The following LRRC8B variants were observed in gnomAD, a reference collection of about 807,000 sequenced individuals.
The protein encoded by LRRC8B is volume-regulated anion channel subunit LRRC8B.
Under a neutral mutation model 58.8 loss-of-function variants are expected in LRRC8B, and 23 were observed. That is an observed-to-expected ratio of 0.39 (90% CI 0.28 to 0.55). The LOEUF (loss-of-function observed/expected upper bound fraction) is 0.55. Among genes scored for constraint, LRRC8B ranks in the 20% least tolerant of loss-of-function variants. The probability of loss-of-function intolerance (pLI) is 0.62; values close to 1 mark genes in which losing one functional copy is unlikely to be tolerated. For missense variants in LRRC8B, 694 were observed against 936.0 expected (o/e 0.74, Z 3.37); for synonymous variants, 359 against 374.1 (o/e 0.96, Z 0.47).
Position 89,594,291 on chromosome 1 carries a change from A to G in LRRC8B, c.*1248A>G, listed in dbSNP as rs1013984287. ...ATGTTTTTGTACTCTGCAACTAATT[A>G]CTTTTGGATAACAAAAGCCTTGTGT... On this transcript the variant is annotated 3_prime_UTR_variant, in exon 6 of 6. Transcript: ENST00000330947. 2 of 152,086 alleles carry G rather than the reference A, an allele frequency of 1.3e-5. No individual in the cohort carries two copies. The highest frequency in any genetic ancestry group is 1.3e-4 in the Admixed American group (2 of 15,266). The allele number at this position is 152,086 out of a possible 1,614,324, so 9.4% of individuals were successfully genotyped here. A position where few individuals can be genotyped will look rare whatever the true frequency, so the allele number is the denominator to read the frequency against.
intron 1 of LRRC8B, chr1:89,559,062 A>G (rs1652405073): frequency 1.3e-5 from 2 of 152,106 alleles, no homozygotes; most frequent in South Asian, 4.2e-4. Context: ...GTGGGAGGAA[A>G]CGGTAGATGC....
intron 3 of LRRC8B, among the ~76,000 whole-genome samples, chr1:89,573,958 G>T (rs984646991): frequency 6.6e-6 from 1 of 152,220 alleles, no homozygotes; most frequent in African/African-American, 2.4e-5. Flanking sequence ...ATAGAATGTG[G>T]CAGAAATGGT....
intron 1 of LRRC8B, among the ~76,000 whole-genome samples, chr1:89,542,499 T>C (rs115669662): frequency 0.021 from 3,230 of 152,340 alleles, 108 homozygotes; most frequent in African/African-American, 0.074. Context: ...AAATATTTAC[T>C]GAATGACTGA....
chr1:89,533,911 C>T (rs748794118), intron 1 of LRRC8B, among the ~76,000 whole-genome samples: 11 of 152,188 alleles, frequency 7.2e-5, no homozygotes, highest in Non-Finnish European at 1.5e-4. Context: ...GTACATTATA[C>T]ATGCTGTTGA....
chr1:89,593,172 C>G lies in LRRC8B; in HGVS notation c.*129C>G, dbSNP rs1202539369. The stretch of plus-strand genomic sequence containing the variant: ...GGCGGATTGCTTGAGGTCAGGAGTT[C>G]GAGACCAGTCTGGCCAACCTGGTGA... On this transcript the variant is annotated 3_prime_UTR_variant, in exon 6 of 6. Transcript: ENST00000330947. 2.3e-6 allele frequency: 2 copies of G among 886,154 alleles called. No individual in the cohort carries two copies. The highest frequency in any genetic ancestry group is 1.7e-5 in the African/African-American group (1 of 59,340). The allele number at this position is 886,154 out of a possible 1,614,324, so 54.9% of individuals were successfully genotyped here. A position where few individuals can be genotyped will look rare whatever the true frequency, so the allele number is the denominator to read the frequency against.
At chr1:89,563,258 G>A (rs1486215272) in intron 1 of LRRC8B, among the ~76,000 whole-genome samples, 1 of 151,786 alleles carries the variant, frequency 6.6e-6, no homozygotes, top group Admixed American at 6.6e-5. Context: ...TTAATTCTGT[G>A]GCATTAAGTT....
chr1:89,564,412 C>T (rs1338804530), intron 1 of LRRC8B, among the ~76,000 whole-genome samples: 1 of 152,174 alleles, frequency 6.6e-6, no homozygotes, highest in Middle Eastern at 3.2e-3. Flanking sequence ...ATATAAAACT[C>T]CTTTTTATAT....
At chr1:89,538,851 G>A (rs1316118000) in intron 1 of LRRC8B, among the ~76,000 whole-genome samples, 1 of 152,066 alleles carries the variant, frequency 6.6e-6, no homozygotes, top group African/African-American at 2.4e-5. Context: ...CTCCCAAGTA[G>A]CTGGGACTAC....
rs1486003141 is a variant in LRRC8B at position 89,534,982 on chromosome 1, G to C, written c.-241+9960G>C. ...GGTATTTCAAAATGGCCTTCTGCTTGGGGCCTGGAGATTTTTACACCCCAA... is the reference window on the plus strand; with the variant it reads ...GGTATTTCAAAATGGCCTTCTGCTTCGGGCCTGGAGATTTTTACACCCCAA... On this transcript the variant is annotated intron_variant, in intron 1 of 5. Transcript: ENST00000330947. 2.0e-5 allele frequency among the ~76,000 whole-genome samples: 3 copies of C among 152,088 alleles called. 1 individual carries two copies. The Middle Eastern group carries it at 0.01, about 517-fold the overall frequency.
chr1:89,577,264 T>C (rs186839083), intron 3 of LRRC8B, among the ~76,000 whole-genome samples: 1 of 152,320 alleles, frequency 6.6e-6, no homozygotes, highest in Admixed American at 6.5e-5. Flanking sequence ...ATTTTAGAAA[T>C]GCTTTCAAAG....
At chr1:89,544,008 C>A (rs532198757) in intron 1 of LRRC8B, among the ~76,000 whole-genome samples, 184 of 152,260 alleles carry the variant, frequency 1.2e-3, no homozygotes, top group African/African-American at 4.3e-3. Context: ...GTTGCCCAGG[C>A]TGGTTTTGAA....
Position 89,536,688 on chromosome 1 carries a change from G to A in LRRC8B, c.-241+11666G>A, listed in dbSNP as rs755511229. On this transcript the variant is annotated intron_variant, in intron 1 of 5. Transcript: ENST00000330947. ...AACAGTAAAACAGAGTGAAGGACTAGAGAATGGTTCTTGTTGGGGATTAGG... is the reference window on the plus strand; with the variant it reads ...AACAGTAAAACAGAGTGAAGGACTAAAGAATGGTTCTTGTTGGGGATTAGG... Among the ~76,000 whole-genome samples, 241 of 152,302 alleles carry A rather than the reference G, an allele frequency of 1.6e-3. 1 individual carries two copies. Among genetic ancestry groups the A allele is most frequent in the South Asian group, 3.7e-3 (18 of 4,822 alleles).
In LRRC8B at chr1:89,525,014, G is replaced by A. The variant is rs2100750288; in HGVS notation, c.-249G>A. 1.3e-5 allele frequency: 2 copies of A among 152,376 alleles called. No homozygotes were observed. The highest frequency in any genetic ancestry group is 4.8e-5 in the African/African-American group (2 of 41,582). 9.4% of individuals were successfully genotyped at this position (152,376 alleles called of 1,614,324 possible). On this transcript the variant is annotated 5_prime_UTR_variant, in exon 1 of 6. Coordinates refer to ENST00000330947, the MANE Select transcript of LRRC8B (RefSeq NM_001369817.2). ...GGGAGCGCGGGCGTCCGGGGCTGGA[G>A]TCGCGCAGGTAGGTCGGAGCGTGAC... is the stretch of plus-strand genomic sequence containing the variant.
At chr1:89,535,220 C>G (rs1185923946) in intron 1 of LRRC8B, among the ~76,000 whole-genome samples, 3 of 152,032 alleles carry the variant, frequency 2.0e-5, no homozygotes. Flanking sequence ...ATAAGACTCC[C>G]AAAACCCCAT....
In LRRC8B at chr1:89,584,279, G is replaced by A; in HGVS notation, c.1629G>A (p.Leu543=). ...GFQDLKNLRT[L]YLKSSLSRIP... ...AGGACTTAAAAAATCTAAGGACCCT[G>A]TACTTGAAGAGCAGCCTCTCCCGGA... The change falls in exon 5 of 6, where the codon CTG becomes CTA. Residue 543 remains leucine, a synonymous_variant. Transcript: ENST00000330947. The A allele has an allele frequency of 1.2e-6, 2 of 1,613,918 alleles. No homozygotes were observed. The highest frequency in any genetic ancestry group is 1.7e-6 in the Non-Finnish European group (2 of 1,180,030).
intron 1 of LRRC8B, among the ~76,000 whole-genome samples, chr1:89,531,135 A>T (rs1415202632): frequency 1.3e-5 from 2 of 152,190 alleles, no homozygotes; most frequent in African/African-American, 4.8e-5. Flanking sequence ...TCTTTTAACA[A>T]AACTGAGTTT....
intron 3 of LRRC8B, among the ~76,000 whole-genome samples, chr1:89,574,527 G>A (rs1200801310): frequency 6.6e-6 from 1 of 152,078 alleles, no homozygotes; most frequent in Non-Finnish European, 1.5e-5. Context: ...ATGAACTTGT[G>A]GATCTAGCTC....
intron 1 of LRRC8B, among the ~76,000 whole-genome samples, chr1:89,553,010 G>A (rs1357024470): frequency 6.6e-6 from 1 of 151,962 alleles, no homozygotes; most frequent in Non-Finnish European, 1.5e-5. Context: ...TCACTTCCTG[G>A]TTAGTGCACA....
At chr1:89,591,807 T>A (rs1654992915) in intron 5 of LRRC8B, among the ~76,000 whole-genome samples, 2 of 152,078 alleles carry the variant, frequency 1.3e-5, no homozygotes, top group South Asian at 4.2e-4. Context: ...ACAAAGCCAG[T>A]TTTGGAACCA....
Sources: gnomAD v4.1 joint callset for allele counts (sites outside exome capture counted in the v4.1 genomes callset) on GRCh38, gnomAD v4.1.1 for gene constraint, MANE v1.5 for transcripts, NCBI Gene and HGNC (gene_info 2026-07-23, HGNC 2026-07-21) for gene names.